LRRC4C: variants seen among roughly 807,000 people sequenced by gnomAD.
LRRC4C encodes leucine-rich repeat-containing protein 4C.
A neutral mutation model predicts 33.6 loss-of-function variants in LRRC4C; 5 were observed. The ratio of observed to expected loss-of-function variants is 0.15; its 90% CI spans 0.08 to 0.31. LRRC4C has a LOEUF of 0.31. LRRC4C is among the 10% of genes least tolerant of loss of function. The probability of loss-of-function intolerance (pLI) is 1.00; values close to 1 mark genes in which losing one functional copy is unlikely to be tolerated. For missense variants in LRRC4C, 560 were observed against 796.7 expected, an observed-to-expected ratio of 0.70 and a Z score of 3.58; for synonymous variants, 329 against 302.0, an observed-to-expected ratio of 1.09 and a Z score of -0.93.
intron 1 of LRRC4C, among the ~76,000 whole-genome samples, chr11:41,161,364 T>C (rs1011745695): frequency 3.9e-5 from 6 of 152,202 alleles, no homozygotes; most frequent in Non-Finnish European, 8.8e-5. Flanking sequence ...TGCTACATCC[T>C]GTAGAGAGCT....
intron 2 of LRRC4C, among the ~76,000 whole-genome samples, chr11:40,904,380 A>G (rs1448900968): frequency 1.3e-5 from 2 of 152,112 alleles, no homozygotes; most frequent in African/African-American, 4.8e-5. Context: ...CAAATAAATA[A>G]ATAGCACATC....
At chr11:41,294,127 G>A (rs138909577) in intron 1 of LRRC4C, among the ~76,000 whole-genome samples, 61 of 152,230 alleles carry the variant, frequency 4.0e-4, no homozygotes, top group African/African-American at 1.4e-3. Flanking sequence ...AACTTCTATA[G>A]ACAGTTTAGA....
intron 1 of LRRC4C, among the ~76,000 whole-genome samples, chr11:41,381,862 C>T (rs1289713737): frequency 6.6e-6 from 1 of 151,320 alleles, no homozygotes; most frequent in Admixed American, 6.6e-5. Context: ...CTATCTCTGG[C>T]TCTATCTATA....
intron 3 of LRRC4C, among the ~76,000 whole-genome samples, chr11:40,615,500 T>C (rs1386449653): frequency 4.6e-5 from 7 of 151,680 alleles, no homozygotes; most frequent in African/African-American, 1.7e-4. Context: ...ATCACAGTCC[T>C]ATCCATGCCA....
chr11:41,329,043 G>A (rs985960360), intron 1 of LRRC4C, among the ~76,000 whole-genome samples: 3 of 152,020 alleles, frequency 2.0e-5, no homozygotes, highest in African/African-American at 7.2e-5. Flanking sequence ...ATGTGTTTCT[G>A]GAATAATAAA....
intron 1 of LRRC4C, among the ~76,000 whole-genome samples, chr11:41,202,074 C>A (rs1368342663): frequency 1.3e-5 from 2 of 152,152 alleles, no homozygotes; most frequent in African/African-American, 4.8e-5. Flanking sequence ...TGCCCCACCT[C>A]CAGAACTTAT....
intron 1 of LRRC4C, among the ~76,000 whole-genome samples, chr11:41,236,404 A>C (rs1022707126): frequency 6.6e-6 from 1 of 152,110 alleles, no homozygotes. Context: ...CCAAAATAAC[A>C]GTAACAAAAC....
chr11:40,366,517 A>C (rs1948215469), intron 3 of LRRC4C, among the ~76,000 whole-genome samples: 1 of 151,988 alleles, frequency 6.6e-6, no homozygotes, highest in African/African-American at 2.4e-5. Context: ...TAAAAGAATA[A>C]TATTTACACA....
At chr11:40,473,097 C>A (rs1294944385) in intron 3 of LRRC4C, among the ~76,000 whole-genome samples, 1 of 152,208 alleles carries the variant, frequency 6.6e-6, no homozygotes, top group Non-Finnish European at 1.5e-5. Context: ...CTCCCTAACT[C>A]ATTCTATGAA....
chr11:41,400,537 A>G (rs888187414), intron 1 of LRRC4C, among the ~76,000 whole-genome samples: 1 of 151,366 alleles, frequency 6.6e-6, no homozygotes, highest in African/African-American at 2.4e-5. Flanking sequence ...CATGGGGAGA[A>G]GAAGACTTCA....
chr11:41,393,739 A>G (rs1401738696), intron 1 of LRRC4C, among the ~76,000 whole-genome samples: 2 of 152,070 alleles, frequency 1.3e-5, no homozygotes, highest in East Asian at 3.9e-4. Context: ...TGAGTCTGTC[A>G]CATTTATACT....
intron 1 of LRRC4C, among the ~76,000 whole-genome samples, chr11:40,938,463 T>C (rs777928909): frequency 6.6e-6 from 1 of 152,162 alleles, no homozygotes; most frequent in Non-Finnish European, 1.5e-5. Context: ...ACGATGGCAG[T>C]AAATGTATGT....
At chr11:40,902,303 C>T (rs1241462989) in intron 2 of LRRC4C, among the ~76,000 whole-genome samples, 1 of 152,018 alleles carries the variant, frequency 6.6e-6, no homozygotes, top group Non-Finnish European at 1.5e-5. Flanking sequence ...TGTGAACACA[C>T]CATATAAGAT....
At chr11:40,266,404 C>T (rs1204246764) in intron 4 of LRRC4C, among the ~76,000 whole-genome samples, 1 of 152,110 alleles carries the variant, frequency 6.6e-6, no homozygotes, top group Non-Finnish European at 1.5e-5. Flanking sequence ...GAGGTCGAGG[C>T]TGCAGTGAGT....
chr11:41,440,273 T>C (rs1241920391), intron 1 of LRRC4C, among the ~76,000 whole-genome samples: 2 of 152,048 alleles, frequency 1.3e-5, no homozygotes, highest in Non-Finnish European at 2.9e-5. Flanking sequence ...AAGGAGTTTG[T>C]CTGTCCACTC....
At chr11:41,420,760 A>T (rs1388201588) in intron 1 of LRRC4C, among the ~76,000 whole-genome samples, 1 of 151,984 alleles carries the variant, frequency 6.6e-6, no homozygotes, top group Non-Finnish European at 1.5e-5. Context: ...AGATTAAGAG[A>T]TTCTCTAAAG....
intron 2 of LRRC4C, among the ~76,000 whole-genome samples, chr11:40,698,622 G>C (rs1412885766): frequency 2.0e-5 from 3 of 152,256 alleles, no homozygotes; most frequent in Admixed American, 2.0e-4. Context: ...AAAGTCAAAA[G>C]GAAATTGGGT....
chr11:40,893,629 C>T (rs1316856281), intron 2 of LRRC4C, among the ~76,000 whole-genome samples: 1 of 152,010 alleles, frequency 6.6e-6, no homozygotes. Context: ...TTTAATCTCA[C>T]AGGCACTTAT....
intron 3 of LRRC4C, among the ~76,000 whole-genome samples, chr11:40,573,135 G>T (rs1375579725): frequency 6.6e-6 from 1 of 152,076 alleles, no homozygotes; most frequent in Non-Finnish European, 1.5e-5. Context: ...CTACTTTTTA[G>T]TTCTTAGACT....
Sources: allele counts gnomAD v4.1 joint callset (sites outside exome capture counted in the v4.1 genomes callset), GRCh38; gene constraint gnomAD v4.1.1; transcripts MANE v1.5; gene names NCBI Gene and HGNC (gene_info 2026-07-23, HGNC 2026-07-21).